The following RCC1 variants were observed in gnomAD, a reference collection of about 807,000 sequenced individuals.
RCC1 encodes regulator of chromosome condensation 1, also known as regulator of chromosome condensation.
In RCC1, 11 loss-of-function variants were observed where a neutral mutation model predicts 44.4. That is an observed-to-expected ratio of 0.25 (90% CI 0.16 to 0.41). The LOEUF (loss-of-function observed/expected upper bound fraction) is 0.41, where lower values mean the gene tolerates loss of function less well. Among genes scored for constraint, RCC1 ranks in the 10% least tolerant of loss-of-function variants. The pLI, the probability that RCC1 is intolerant of heterozygous loss-of-function variation, is 1.00. For synonymous variants in RCC1, 213 were observed against 216.5 expected (o/e 0.98, Z 0.14); for missense variants, 386 against 547.1 (o/e 0.71, Z 2.94).
At chr1:28,509,955 C>G (rs1406830929) in intron 3 of RCC1, 1 of 152,202 alleles carries the variant, frequency 6.6e-6, no homozygotes, top group African/African-American at 2.4e-5. Context: ...TGAGCCTCTA[C>G]TACCTGGCGC....
intron 6 of RCC1, 25 bp from the exon 7 acceptor site, chr1:28,532,146 A>G (rs1377986734): frequency 1.9e-6 from 3 of 1,606,528 alleles, no homozygotes; most frequent in Non-Finnish European, 2.6e-6. Flanking sequence ...CAGACGTTGC[A>G]TTAATGAGGG....
chr1:28,519,629 G>A (rs1663144718), intron 4 of RCC1, among the ~76,000 whole-genome samples: 1 of 151,462 alleles, frequency 6.6e-6, no homozygotes, highest in Non-Finnish European at 1.5e-5. Context: ...GTGCAGTGGC[G>A]CGATCTCAGC....
intron 3 of RCC1, among the ~76,000 whole-genome samples, chr1:28,511,208 C>T (rs1046159424): frequency 4.6e-5 from 7 of 152,100 alleles, no homozygotes; most frequent in East Asian, 1.9e-4. Context: ...TACTCAGCCC[C>T]TCTGCCTCAA....
At chr1:28,522,334 T>A (rs915088296) in intron 4 of RCC1, among the ~76,000 whole-genome samples, 6 of 151,910 alleles carry the variant, frequency 3.9e-5, no homozygotes, top group Non-Finnish European at 8.8e-5. Context: ...GCAAGGAGAT[T>A]GTGTGGGAAG....
At chr1:28,528,416 T>C (rs1408595748) in intron 4 of RCC1, among the ~76,000 whole-genome samples, 1 of 152,124 alleles carries the variant, frequency 6.6e-6, no homozygotes, top group African/African-American at 2.4e-5. Context: ...GATCGCACCA[T>C]TGCACTCTAG....
intron 3 of RCC1, among the ~76,000 whole-genome samples, chr1:28,512,170 G>C (rs1662596783): frequency 1.0e-5 from 1 of 95,646 alleles, no homozygotes; most frequent in Admixed American, 9.4e-5. Context: ...AGTAGAGACA[G>C]GGTTTCGCCA....
At chr1:28,511,078 C>CTTT (rs1365051654) in intron 3 of RCC1, among the ~76,000 whole-genome samples, 2 of 152,144 alleles carry the variant, frequency 1.3e-5, no homozygotes, top group East Asian at 3.8e-4. Context: ...ACTTTCCAAA[C>CTTT]AGGCACTTCT....
chr1:28,512,322 C>G (rs370273319), intron 3 of RCC1, among the ~76,000 whole-genome samples: 1 of 152,098 alleles, frequency 6.6e-6, no homozygotes, highest in East Asian at 1.9e-4. Flanking sequence ...GGCAGGCTGG[C>G]ACCTTGATCA....
chr1:28,513,731 T>C (rs1049613534), intron 3 of RCC1, among the ~76,000 whole-genome samples: 1 of 152,080 alleles, frequency 6.6e-6, no homozygotes, highest in Non-Finnish European at 1.5e-5. Context: ...ACCACAGGCA[T>C]GTGCCACTAT....
chr1:28,511,424 G>A (rs1302572056), intron 3 of RCC1, among the ~76,000 whole-genome samples: 2 of 142,104 alleles, frequency 1.4e-5, no homozygotes, highest in Non-Finnish European at 3.0e-5. Flanking sequence ...TTTTTGAGAG[G>A]GAGTCTCGCT....
At chr1:28,518,526 G>T (rs1316379533) in intron 4 of RCC1, 1 of 148,672 alleles carries the variant, frequency 6.7e-6, no homozygotes, top group Non-Finnish European at 1.5e-5. Flanking sequence ...GCTGGGCGCT[G>T]CCTCGCTGGA....
chr1:28,535,590 C>G, intron 9 of RCC1: 1 of 822,756 alleles, frequency 1.2e-6, no homozygotes, highest in South Asian at 1.4e-5. Flanking sequence ...GTCTACCTAC[C>G]TGTAAACCTA....
intron 7 of RCC1, 105 bp from the exon 8 acceptor site, chr1:28,534,945 C>G: frequency 1.2e-6 from 1 of 833,692 alleles, no homozygotes; most frequent in Non-Finnish European, 2.1e-6. Flanking sequence ...TGTGGCCTGG[C>G]TCCTGCCCAC....
At chr1:28,528,481 A>T (rs1663844612) in intron 4 of RCC1, among the ~76,000 whole-genome samples, 1 of 152,126 alleles carries the variant, frequency 6.6e-6, no homozygotes, top group African/African-American at 2.4e-5. Context: ...AACAAAACTT[A>T]GCAGGGCATG....
intron 7 of RCC1, 28 bp from the exon 8 acceptor site, chr1:28,535,022 T>C (rs767831791): frequency 2.3e-5 from 36 of 1,585,698 alleles, no homozygotes; most frequent in Non-Finnish European, 2.2e-5. Flanking sequence ...CAGGACTGGC[T>C]GATAAGTGCC....
At chr1:28,510,152 T>C (rs1570163196) in intron 3 of RCC1, 1 of 152,200 alleles carries the variant, frequency 6.6e-6, no homozygotes, top group Admixed American at 6.6e-5. Flanking sequence ...CGTTAAGCCA[T>C]TTGGAACTTG....
At chr1:28,537,404 C>T (rs1404632799) in intron 12 of RCC1, among the ~76,000 whole-genome samples, 1 of 152,180 alleles carries the variant, frequency 6.6e-6, no homozygotes, top group African/African-American at 2.4e-5. Flanking sequence ...CTGTAGAAGC[C>T]TGGAGCTGGC....
chr1:28,531,311 C>T (rs1664159479), intron 5 of RCC1, among the ~76,000 whole-genome samples: 1 of 140,152 alleles, frequency 7.1e-6, no homozygotes, highest in South Asian at 2.3e-4. Flanking sequence ...GTCGCCCAGA[C>T]TGGAGGCGGC....
At chr1:28,526,493 G>C (rs1314386383) in intron 4 of RCC1, 2 of 576,998 alleles carry the variant, frequency 3.5e-6, no homozygotes, top group Non-Finnish European at 6.6e-6. Context: ...AGGCAAGACG[G>C]CTAAAGTGGG....
Sources: allele counts gnomAD v4.1 joint callset (sites outside exome capture counted in the v4.1 genomes callset), GRCh38; gene constraint gnomAD v4.1.1; transcripts MANE v1.5; gene names NCBI Gene and HGNC (gene_info 2026-07-23, HGNC 2026-07-21).